The following COL25A1 variants were observed in gnomAD, a reference collection of about 807,000 sequenced individuals.
COL25A1 encodes collagen alpha-1(XXV) chain.
Under a neutral mutation model 128.4 loss-of-function variants are expected in COL25A1, and 103 were observed. That is an observed-to-expected ratio of 0.80 (90% CI 0.68 to 0.94). The LOEUF is 0.94. COL25A1 is among the 40% of genes least tolerant of loss of function. The pLI is 0.00. For missense variants in COL25A1, 745 were observed against 840.0 expected (o/e 0.89, Z 1.40); for synonymous variants, 279 against 277.2 (o/e 1.01, Z -0.06).
intron 3 of COL25A1, among the ~76,000 whole-genome samples, chr4:109,109,830 C>T (rs3113721): frequency 0.21 from 32,218 of 151,992 alleles, 4,071 homozygotes; most frequent in East Asian, 0.39. Context: ...GTATTAGACA[C>T]GGAAACAGAG....
At chr4:108,931,966 A>G (rs1746806033) in intron 11 of COL25A1, among the ~76,000 whole-genome samples, 1 of 152,240 alleles carries the variant, frequency 6.6e-6, no homozygotes, top group Admixed American at 6.5e-5. Context: ...CAACTGAAGG[A>G]CATGCAGTTT....
At chr4:109,141,167 G>T (rs1158013037) in intron 3 of COL25A1, among the ~76,000 whole-genome samples, 1 of 152,092 alleles carries the variant, frequency 6.6e-6, no homozygotes, top group African/African-American at 2.4e-5. Context: ...TATTGAAGGC[G>T]TTTTCTGCAT....
At chr4:109,081,517 T>A (rs1456878286) in intron 3 of COL25A1, among the ~76,000 whole-genome samples, 1 of 152,190 alleles carries the variant, frequency 6.6e-6, no homozygotes, top group Non-Finnish European at 1.5e-5. Flanking sequence ...CCATACAGTT[T>A]ATCCATTTAG....
At chr4:109,101,639 A>G (rs1302569483) in intron 3 of COL25A1, among the ~76,000 whole-genome samples, 1 of 152,216 alleles carries the variant, frequency 6.6e-6, no homozygotes, top group Non-Finnish European at 1.5e-5. Context: ...TTTTCTCCAG[A>G]AACAAGTCTA....
intron 3 of COL25A1, among the ~76,000 whole-genome samples, chr4:109,231,751 T>G (rs570168346): frequency 6.6e-6 from 1 of 152,212 alleles, no homozygotes; most frequent in Non-Finnish European, 1.5e-5. Context: ...AGAATGGAAA[T>G]GCGCAACCTT....
At chr4:109,247,408 G>C (rs1453317972) in intron 3 of COL25A1, among the ~76,000 whole-genome samples, 1 of 152,178 alleles carries the variant, frequency 6.6e-6, no homozygotes. Flanking sequence ...TGGAAGGCTT[G>C]AATGTCAGGT....
intron 5 of COL25A1, among the ~76,000 whole-genome samples, chr4:109,038,517 A>T (rs1759566995): frequency 6.6e-6 from 1 of 152,192 alleles, no homozygotes; most frequent in Non-Finnish European, 1.5e-5. Context: ...ATAATCACCA[A>T]GGCTGTTTTT....
chr4:108,867,372 A>G (rs1225452078), intron 20 of COL25A1, among the ~76,000 whole-genome samples: 2 of 152,220 alleles, frequency 1.3e-5, no homozygotes, highest in African/African-American at 2.4e-5. Context: ...TTGTATTAAC[A>G]GGGAATGCTC....
At chr4:109,098,493 G>C (rs997520948) in intron 3 of COL25A1, among the ~76,000 whole-genome samples, 8 of 152,032 alleles carry the variant, frequency 5.3e-5, no homozygotes, top group Non-Finnish European at 1.0e-4. Context: ...GTAAATATCT[G>C]CCTGTGTTGT....
chr4:108,836,882 C>A (rs918250988), intron 31 of COL25A1, among the ~76,000 whole-genome samples: 9 of 152,040 alleles, frequency 5.9e-5, no homozygotes, highest in African/African-American at 2.2e-4. Context: ...AGTTTGAGAC[C>A]AGCCTGGCCA....
At chr4:108,983,172 CTTTG>C (rs142416954) in intron 6 of COL25A1, among the ~76,000 whole-genome samples, 6,475 of 152,096 alleles carry the variant, frequency 0.043, 150 homozygotes, top group Non-Finnish European at 0.05. Context: ...GCTAAAACTT[CTTTG>C]TTTAACTTTG....
rs1375894669 is a variant in COL25A1, at chr4:108,810,798, T to C, written c.*3129A>G. 2.0e-5 allele frequency: 3 copies of C among 152,038 alleles called. No homozygotes were observed. Among genetic ancestry groups the C allele is most frequent in the African/African-American group, 4.8e-5 (2 of 41,452 alleles). The allele number at this position is 152,038 out of a possible 1,614,324, so 9.4% of individuals were successfully genotyped here. On this transcript the variant is annotated 3_prime_UTR_variant, in exon 38 of 38. Coordinates refer to ENST00000399132, the MANE Select transcript of COL25A1 (RefSeq NM_198721.4). ...AAGCCTGGTCATTGGACCATAATTA[T>C]AGCAAATTCATGAACTTTAAAAATA...
chr4:109,242,483 T>C (rs1578527270), intron 3 of COL25A1, among the ~76,000 whole-genome samples: 1 of 152,104 alleles, frequency 6.6e-6, no homozygotes, highest in Non-Finnish European at 1.5e-5. Context: ...TCTGGGAGAC[T>C]GGCCAACAGT....
chr4:108,856,293 T>C (rs1355815413), intron 24 of COL25A1, among the ~76,000 whole-genome samples: 1 of 152,194 alleles, frequency 6.6e-6, no homozygotes, highest in Non-Finnish European at 1.5e-5. Flanking sequence ...TAAATAAAAA[T>C]AAATAGCTTA....
intron 5 of COL25A1, among the ~76,000 whole-genome samples, chr4:109,032,962 A>T (rs1030849666): frequency 1.3e-5 from 2 of 152,238 alleles, no homozygotes; most frequent in Non-Finnish European, 2.9e-5. Flanking sequence ...AAATGAAAGG[A>T]AGTAGGCCAA....
At chr4:109,031,192 A>G (rs1417525500) in intron 5 of COL25A1, among the ~76,000 whole-genome samples, 1 of 152,158 alleles carries the variant, frequency 6.6e-6, no homozygotes, top group African/African-American at 2.4e-5. Context: ...GCTCACTGCA[A>G]GCTCCACCTC....
At chr4:109,169,390 G>T (rs1049525732) in intron 3 of COL25A1, among the ~76,000 whole-genome samples, 1 of 152,148 alleles carries the variant, frequency 6.6e-6, no homozygotes, top group Non-Finnish European at 1.5e-5. Context: ...TGTGTCTTAT[G>T]ATATGACTCA....
chr4:109,109,872 G>A (rs1414999658), intron 3 of COL25A1, among the ~76,000 whole-genome samples: 2 of 152,124 alleles, frequency 1.3e-5, no homozygotes, highest in Non-Finnish European at 2.9e-5. Context: ...ACTGACACTC[G>A]TACCCTCACA....
intron 11 of COL25A1, 115 bp downstream of exon 11, chr4:108,937,692 AT>A: frequency 1.2e-6 from 1 of 821,010 alleles, no homozygotes; most frequent in East Asian, 2.8e-5. Context: ...ACTTTTACTA[AT>A]TTTCACTTTT....
Sources: gnomAD v4.1 joint callset for allele counts (sites outside exome capture counted in the v4.1 genomes callset) on GRCh38, gnomAD v4.1.1 for gene constraint, MANE v1.5 for transcripts, NCBI Gene and HGNC (gene_info 2026-07-23, HGNC 2026-07-21) for gene names.